The following SV2C variants were observed in gnomAD, a reference collection of about 807,000 sequenced individuals.
SV2C encodes synaptic vesicle glycoprotein 2C.
A neutral mutation model predicts 79.7 loss-of-function variants in SV2C; 49 were observed. That is an observed-to-expected ratio of 0.61 (90% CI 0.49 to 0.78). The LOEUF (loss-of-function observed/expected upper bound fraction) is 0.78. Ranked by LOEUF, SV2C falls within the 30% of genes least tolerant of loss-of-function variation. SV2C has a pLI of 0.00. For missense variants in SV2C, 833 were observed against 912.9 expected, an observed-to-expected ratio of 0.91 and a Z score of 1.13; for synonymous variants, 334 against 333.2, an observed-to-expected ratio of 1.00 and a Z score of -0.03.
the SV2C span, among the ~76,000 whole-genome samples, chr5:75,877,922 C>A: frequency 6.8e-6 from 1 of 146,152 alleles, no homozygotes; most frequent in African/African-American, 2.6e-5. Flanking sequence ...CAAAACTTAT[C>A]GAATGCAGGG....
intron 1 of SV2C, among the ~76,000 whole-genome samples, chr5:76,091,166 A>G (rs966257671): frequency 6.6e-6 from 1 of 152,232 alleles, no homozygotes; most frequent in African/African-American, 2.4e-5. Flanking sequence ...CACTAGCTGC[A>G]TTGAACACAA....
intron 4 of SV2C, among the ~76,000 whole-genome samples, chr5:76,246,314 A>G (rs958686243): frequency 6.6e-6 from 1 of 152,222 alleles, no homozygotes; most frequent in African/African-American, 2.4e-5. Context: ...ATGCAAGTTA[A>G]AAGTTCTCAG....
chr5:75,871,968 G>A, the SV2C span, among the ~76,000 whole-genome samples: 2 of 146,308 alleles, frequency 1.4e-5, no homozygotes, highest in East Asian at 2.0e-4. Flanking sequence ...GTACACACAC[G>A]TATATTTAAC....
chr5:76,218,812 G>C (rs1169121042), intron 4 of SV2C, among the ~76,000 whole-genome samples: 2 of 602 alleles, frequency 3.3e-3, no homozygotes, highest in Non-Finnish European at 6.5e-3. Flanking sequence ...CATACAAAAA[G>C]TGCCTGACAC....
the SV2C span, among the ~76,000 whole-genome samples, chr5:75,968,262 A>C: frequency 2.0e-5 from 3 of 152,218 alleles, no homozygotes; most frequent in Admixed American, 2.0e-4. Context: ...TCTAAAAATC[A>C]GAGCGCTTCT....
At chr5:76,032,511 T>C in the SV2C span, among the ~76,000 whole-genome samples, 3 of 152,166 alleles carry the variant, frequency 2.0e-5, no homozygotes, top group Non-Finnish European at 2.9e-5. Context: ...GGTTTTTTGT[T>C]CTTGCGATAG....
At chr5:76,031,516 G>C in the SV2C span, among the ~76,000 whole-genome samples, 1 of 152,280 alleles carries the variant, frequency 6.6e-6, no homozygotes, top group East Asian at 1.9e-4. Flanking sequence ...TCTGCAGTTG[G>C]GCAGCATCAT....
chr5:76,135,831 C>T (rs1025907207), intron 2 of SV2C, among the ~76,000 whole-genome samples: 2 of 152,048 alleles, frequency 1.3e-5, no homozygotes, highest in African/African-American at 2.4e-5. Flanking sequence ...TTGAGGGGGG[C>T]AGGTATGGTT....
downstream of SV2C, among the ~76,000 whole-genome samples, chr5:76,336,955 A>G (rs572010922): frequency 1.6e-4 from 24 of 152,204 alleles, no homozygotes; most frequent in Non-Finnish European, 2.4e-4. Flanking sequence ...GGCATGGACC[A>G]GTGGCTCCAA....
At chr5:75,991,699 G>GAT in the SV2C span, among the ~76,000 whole-genome samples, 655 of 148,658 alleles carry the variant, frequency 4.4e-3, 10 homozygotes, top group African/African-American at 0.015. Context: ...AAAACCATCA[G>GAT]ATAGATATAT....
the SV2C span, among the ~76,000 whole-genome samples, chr5:76,020,261 A>G: frequency 6.6e-6 from 1 of 151,842 alleles, no homozygotes; most frequent in South Asian, 2.1e-4. Context: ...AGTTCCTTGC[A>G]GAGTGTAGAG....
At chr5:76,135,996 G>A in intron 2 of SV2C, among the ~76,000 whole-genome samples, 1 of 152,168 alleles carries the variant, frequency 6.6e-6, no homozygotes, top group Non-Finnish European at 1.5e-5. Context: ...TTCCTCCTAA[G>A]ACCCATCCAG....
intron 4 of SV2C, among the ~76,000 whole-genome samples, chr5:76,223,467 A>ATG (rs1212762529): frequency 1.5e-5 from 1 of 67,666 alleles, no homozygotes; most frequent in Non-Finnish European, 2.6e-5. Flanking sequence ...ATATATATAT[A>ATG]TATATATATA....
At chr5:76,049,023 GAAAA>G in the SV2C span, among the ~76,000 whole-genome samples, 229 of 82,630 alleles carry the variant, frequency 2.8e-3, 2 homozygotes, top group African/African-American at 9.4e-3. Flanking sequence ...AAGAAAGAAA[GAAAA>G]AGAAAAGAGG....
chr5:76,083,508 G>C lies in SV2C; in HGVS notation c.-106G>C, dbSNP rs1005119958. 2 of 152,342 alleles carry C rather than the reference G, an allele frequency of 1.3e-5. No individual in the cohort carries two copies. The highest frequency in any genetic ancestry group is 2.9e-5 in the Non-Finnish European group (2 of 68,126). 9.4% of individuals were successfully genotyped at this position (152,342 alleles called of 1,614,324 possible). Reference sequence around the variant, plus strand: ...TCAGGGCAAGGGTGTCCGACGGCTGGAGCGGTGAGTGGGGGAGGTGAAGCG... The same window carrying C: ...TCAGGGCAAGGGTGTCCGACGGCTGCAGCGGTGAGTGGGGGAGGTGAAGCG... On this transcript the variant is annotated 5_prime_UTR_variant, in exon 1 of 13. Transcript: ENST00000502798.
the SV2C span, chr5:75,911,093 A>G: frequency 7.0e-7 from 1 of 1,419,322 alleles, no homozygotes; most frequent in South Asian, 1.1e-5. Context: ...AGCCCGGGGG[A>G]AGATAATTCT....
At chr5:75,986,842 G>T in the SV2C span, among the ~76,000 whole-genome samples, 3 of 151,960 alleles carry the variant, frequency 2.0e-5, no homozygotes, top group African/African-American at 4.8e-5. Flanking sequence ...AAGAGCCTTC[G>T]CAGATAGAGA....
rs569963115 is a variant in SV2C, at chr5:76,301,636, C to T, written c.2000+91C>T. On this transcript the variant is annotated intron_variant, in intron 12 of 12. Coordinates refer to ENST00000502798, the MANE Select transcript of SV2C (RefSeq NM_014979.4). ...TAAAACAACCCAAACTGGCTGGGCA[C>T]GGTAGCTTATGCCTGTAATCCCAGT... The T allele has an allele frequency of 1.2e-4, 180 of 1,461,006 alleles. 1 individual carries two copies. Among genetic ancestry groups the T allele is most frequent in the East Asian group, 5.1e-4 (22 of 42,962 alleles). The allele number at this position is 1,461,006 out of a possible 1,614,324, so 90.5% of individuals were successfully genotyped here.
chr5:75,996,175 AG>A, the SV2C span, among the ~76,000 whole-genome samples: 2 of 152,168 alleles, frequency 1.3e-5, no homozygotes. Context: ...GGTGTAAGGA[AG>A]GGATCCAGTT....
Sources: allele counts gnomAD v4.1 joint callset (sites outside exome capture counted in the v4.1 genomes callset), GRCh38; gene constraint gnomAD v4.1.1; transcripts MANE v1.5; gene names NCBI Gene and HGNC (gene_info 2026-07-23, HGNC 2026-07-21).